Variants in KAZN observed in about 807,000 individuals in gnomAD.
The protein encoded by KAZN is kazrin.
Under a neutral mutation model 87.4 loss-of-function variants are expected in KAZN, and 40 were observed. That is an observed-to-expected ratio of 0.46 (90% CI 0.36 to 0.60). The LOEUF (loss-of-function observed/expected upper bound fraction) is 0.60. Ranked by LOEUF, KAZN falls within the 20% of genes least tolerant of loss-of-function variation. The pLI is 0.00. For synonymous variants in KAZN, 466 were observed against 458.3 expected (o/e 1.02, Z -0.22); for missense variants, 898 against 1,073.9 (o/e 0.84, Z 2.29).
intron 1 of KAZN, among the ~76,000 whole-genome samples, chr1:14,848,442 G>T (rs1218035033): frequency 6.6e-6 from 1 of 152,220 alleles, no homozygotes; most frequent in African/African-American, 2.4e-5. Flanking sequence ...GTATTTCAAG[G>T]ATGGGGTGAA....
intron 2 of KAZN, among the ~76,000 whole-genome samples, chr1:14,471,019 C>T (rs1668426337): frequency 6.6e-6 from 1 of 152,116 alleles, no homozygotes; most frequent in African/African-American, 2.4e-5. Flanking sequence ...GAGTGAGCTC[C>T]CTTGGAAGTG....
At chr1:14,333,558 G>A (rs1214852708) in intron 2 of KAZN, among the ~76,000 whole-genome samples, 1 of 152,170 alleles carries the variant, frequency 6.6e-6, no homozygotes, top group Non-Finnish European at 1.5e-5. Context: ...AATGTGGCAG[G>A]GAATTAAACA....
intron 1 of KAZN, among the ~76,000 whole-genome samples, chr1:13,930,789 A>G (rs770181853): frequency 3.6e-4 from 55 of 152,326 alleles, no homozygotes; most frequent in Non-Finnish European, 7.1e-4. Flanking sequence ...AGTCTAGAGT[A>G]AAGGAAGTGC....
intron 1 of KAZN, among the ~76,000 whole-genome samples, chr1:13,920,750 A>G (rs1238968595): frequency 6.6e-6 from 1 of 152,040 alleles, no homozygotes; most frequent in African/African-American, 2.4e-5. Flanking sequence ...TGGGGCTGTC[A>G]TGTTTCTGGT....
chr1:14,027,706 A>T (rs2101305804), intron 1 of KAZN, among the ~76,000 whole-genome samples: 1 of 152,342 alleles, frequency 6.6e-6, no homozygotes, highest in East Asian at 1.9e-4. Context: ...AAAATAAAAA[A>T]TGTAGCCAAA....
intron 1 of KAZN, among the ~76,000 whole-genome samples, chr1:14,959,540 G>A (rs1663583974): frequency 6.6e-6 from 1 of 152,160 alleles, no homozygotes; most frequent in Non-Finnish European, 1.5e-5. Context: ...GCGGAGGGTG[G>A]GGGCGGCCCG....
intron 1 of KAZN, among the ~76,000 whole-genome samples, chr1:13,910,791 A>G (rs1198395942): frequency 6.6e-6 from 1 of 152,134 alleles, no homozygotes; most frequent in Non-Finnish European, 1.5e-5. Flanking sequence ...GTGCTTTCCC[A>G]TAATAAGAAG....
Position 14,820,162 on chromosome 1 carries a change from G to A in KAZN, c.227-140522G>A, listed in dbSNP as rs1572568149. On this transcript the variant is annotated intron_variant, in intron 1 of 14. Transcript: ENST00000376030. The surrounding 1 kb of genome is among the most constrained non-coding windows in gnomAD (Gnocchi z 4.1). ...CCTTCCCAAATATGCAGATTCAGTA[G>A]GAGTGGCAGGGCCCATGAACTCACA... 1.3e-5 allele frequency among the ~76,000 whole-genome samples: 2 copies of A among 152,296 alleles called. No individual in the cohort carries two copies. The highest frequency in any genetic ancestry group is 2.9e-5 in the Non-Finnish European group (2 of 68,020).
At chr1:14,711,691 G>T (rs1319738036) in intron 1 of KAZN, among the ~76,000 whole-genome samples, 1 of 152,204 alleles carries the variant, frequency 6.6e-6, no homozygotes, top group Non-Finnish European at 1.5e-5. Flanking sequence ...AGGAACTGGG[G>T]TGGTCAACAG....
At chr1:14,481,517 C>A (rs2148392234) in intron 2 of KAZN, among the ~76,000 whole-genome samples, 1 of 152,158 alleles carries the variant, frequency 6.6e-6, no homozygotes, top group South Asian at 2.1e-4. Context: ...CAGCAGTAGC[C>A]CTCATACATG....
chr1:14,436,732 A>C (rs865946471), intron 2 of KAZN, among the ~76,000 whole-genome samples: 5 of 83,820 alleles, frequency 6.0e-5, no homozygotes, highest in Admixed American at 3.1e-4. Flanking sequence ...AAAAAAAAAA[A>C]AAAAAACCTT....
rs189994559 is a variant in KAZN, at chr1:14,755,004, G to A, written c.226+155781G>A. On this transcript the variant is annotated intron_variant, in intron 1 of 14. Transcript: ENST00000376030. ...CATCTATAATCCCAGCACTGTGAGC[G>A]GCCAAGGCGGGAGGATCGCTTGAGC... 8.6e-5 allele frequency among the ~76,000 whole-genome samples: 13 copies of A among 150,538 alleles called. No homozygotes were observed. In the East Asian group the frequency reaches 9.8e-4, roughly 11 times the overall value.
intron 1 of KAZN, among the ~76,000 whole-genome samples, chr1:14,746,935 A>G (rs1048980619): frequency 7.2e-5 from 11 of 152,210 alleles, no homozygotes; most frequent in African/African-American, 2.4e-4. Flanking sequence ...AACCATTACC[A>G]CTATCTACTT....
intron 1 of KAZN, among the ~76,000 whole-genome samples, chr1:14,625,970 C>T (rs2148650537): frequency 6.6e-6 from 1 of 152,296 alleles, no homozygotes; most frequent in African/African-American, 2.4e-5. Flanking sequence ...CTACGGGATT[C>T]TGAGGGATAT....
At chr1:14,873,134 G>A (rs866729426) in intron 1 of KAZN, among the ~76,000 whole-genome samples, 2 of 91,264 alleles carry the variant, frequency 2.2e-5, no homozygotes, top group Non-Finnish European at 4.7e-5. Context: ...GTGGATGGAT[G>A]GATGGATGGA....
Position 14,111,521 on chromosome 1 carries a change from C to T in KAZN, c.92-68914C>T, listed in dbSNP as rs1354771461. ...CAAAAGGACTGGGGCAGCATTGCTG[C>T]ACTTGAAGGAAATGGTTCGTTTTTC... On this transcript the variant is annotated intron_variant, in intron 1 of 16. Coordinates refer to the KAZN transcript ENST00000636203. 3.0e-5 allele frequency among the ~76,000 whole-genome samples: 4 copies of T among 134,570 alleles called. 2 individuals carry two copies. In the East Asian group the frequency reaches 1.2e-3, roughly 40 times the overall value. The allele number at this position is 134,570 out of a possible 152,430, so 88.3% of individuals were successfully genotyped here.
intron 1 of KAZN, among the ~76,000 whole-genome samples, chr1:14,063,227 TC>T (rs1266895125): frequency 6.6e-6 from 1 of 152,188 alleles, no homozygotes; most frequent in Non-Finnish European, 1.5e-5. Context: ...GAAGACAGTG[TC>T]CTAATCCAGC....
chr1:14,746,484 C>T (rs1205748336), intron 1 of KAZN, among the ~76,000 whole-genome samples: 1 of 152,070 alleles, frequency 6.6e-6, no homozygotes, highest in East Asian at 1.9e-4. Flanking sequence ...GACAACATGG[C>T]TAGCACCAAG....
intron 1 of KAZN, among the ~76,000 whole-genome samples, chr1:14,869,716 G>A (rs1450427398): frequency 6.6e-6 from 1 of 152,202 alleles, no homozygotes; most frequent in African/African-American, 2.4e-5. Flanking sequence ...CAGTGGTTGT[G>A]GGTAATGTTT....
Sources: allele counts gnomAD v4.1 joint callset (sites outside exome capture counted in the v4.1 genomes callset), GRCh38; gene constraint gnomAD v4.1.1; non-coding constraint Gnocchi (gnomAD v3.1); transcripts MANE v1.5; gene names NCBI Gene and HGNC (gene_info 2026-07-23, HGNC 2026-07-21).